TGM5: variants seen among roughly 807,000 people sequenced by gnomAD.
TGM5 encodes transglutaminase 5.
TGM5 carries 69 observed loss-of-function variants against 77.2 expected under a neutral mutation model. The ratio of observed to expected loss-of-function variants is 0.89; its 90% CI spans 0.74 to 1.09. The LOEUF is 1.09. Among genes scored for constraint, TGM5 ranks in the 50% least tolerant of loss-of-function variants. The probability of loss-of-function intolerance (pLI) is 0.00; values close to 1 mark genes in which losing one functional copy is unlikely to be tolerated. For synonymous variants in TGM5, 346 were observed against 351.8 expected, an observed-to-expected ratio of 0.98 and a Z score of 0.18; for missense variants, 842 against 896.5, an observed-to-expected ratio of 0.94 and a Z score of 0.78.
intron 6 of TGM5, among the ~76,000 whole-genome samples, chr15:43,245,344 G>T (rs1486143541): frequency 1.3e-5 from 2 of 152,004 alleles, no homozygotes; most frequent in East Asian, 1.9e-4. Context: ...CTCCCTGAAC[G>T]CATTAAGCTT....
Position 43,233,359 on chromosome 15 carries a change from G to A in TGM5, c.2010-15C>T. On this transcript the variant is annotated splice_polypyrimidine_tract_variant and intron_variant, in intron 12 of 12. Coordinates refer to ENST00000220420, the MANE Select transcript of TGM5 (RefSeq NM_201631.4). ...GGACTCCAAGGCTGCAACAGAGAAT[G>A]GAGCATGTCAGAAAACCAAAAGCAT... 6.2e-7 allele frequency: 1 copy of A among 1,613,140 alleles called. No homozygotes were observed. Among genetic ancestry groups the A allele is most frequent in the Non-Finnish European group, 8.5e-7 (1 of 1,180,022 alleles).
At chr15:43,251,580 C>G (rs2042703859) in intron 6 of TGM5, among the ~76,000 whole-genome samples, 1 of 152,162 alleles carries the variant, frequency 6.6e-6, no homozygotes, top group African/African-American at 2.4e-5. Flanking sequence ...GGCTTCTCTC[C>G]CCAGCTTAAC....
intron 5 of TGM5, 105 bp from the exon 6 acceptor site, chr15:43,253,041 C>T: frequency 1.6e-6 from 2 of 1,263,858 alleles, no homozygotes; most frequent in Non-Finnish European, 1.1e-6. Flanking sequence ...AGAGGAGAGA[C>T]TTTTGACAGC....
chr15:43,252,440 C>A (rs773184250), intron 6 of TGM5, among the ~76,000 whole-genome samples: 9 of 152,168 alleles, frequency 5.9e-5, no homozygotes, highest in Non-Finnish European at 1.3e-4. Context: ...GCCTCAGCCT[C>A]CCGAGTAGCT....
chr15:43,234,660 A>G (rs1267026858), intron 11 of TGM5, 109 bp downstream of exon 11: 1 of 1,377,676 alleles, frequency 7.3e-7, no homozygotes, highest in African/African-American at 1.4e-5. Flanking sequence ...AGGCAAAGGA[A>G]GGAGGGGATG....
At chr15:43,238,302 C>A (rs1472812124) in intron 9 of TGM5, among the ~76,000 whole-genome samples, 1 of 152,126 alleles carries the variant, frequency 6.6e-6, no homozygotes, top group East Asian at 1.9e-4. Flanking sequence ...TCCAGGCATT[C>A]ATCTATAGCT....
rs375258415 is a variant in TGM5 at position 43,266,862 on chromosome 15, C to T, written c.-13G>A. 5.0e-5 allele frequency: 80 copies of T among 1,614,110 alleles called. No individual in the cohort carries two copies. The East Asian group carries it at 6.2e-4, about 13-fold the overall frequency. Reference sequence around the variant, plus strand: ...TACCTTGGGCCATGGTAGCTGCCTCCGGTTCCTGGGATGCTCCCCACAGAA... The same window carrying T: ...TACCTTGGGCCATGGTAGCTGCCTCTGGTTCCTGGGATGCTCCCCACAGAA... On this transcript the variant is annotated 5_prime_UTR_variant, in exon 1 of 13. Coordinates refer to ENST00000220420, the MANE Select transcript of TGM5 (RefSeq NM_201631.4).
intron 7 of TGM5, chr15:43,239,514 TCA>T: frequency 4.0e-6 from 2 of 500,022 alleles, no homozygotes; most frequent in Non-Finnish European, 7.2e-6. Flanking sequence ...AGATCTCGTC[TCA>T]AAAAAAAAAA....
intron 6 of TGM5, among the ~76,000 whole-genome samples, chr15:43,249,681 A>G (rs2042691638): frequency 6.6e-6 from 1 of 152,234 alleles, no homozygotes. Context: ...AGGCCAGAAC[A>G]GGAAGAGCCT....
chr15:43,243,271 T>A (rs537700871), intron 6 of TGM5, among the ~76,000 whole-genome samples: 1 of 152,374 alleles, frequency 6.6e-6, no homozygotes, highest in Non-Finnish European at 1.5e-5. Flanking sequence ...TTGCTGCATC[T>A]TTGCTGGATG....
intron 12 of TGM5, 89 bp downstream of exon 12, chr15:43,233,465 G>C: frequency 1.2e-6 from 2 of 1,612,800 alleles, no homozygotes; most frequent in Non-Finnish European, 8.5e-7. Context: ...CGGTGTTGTG[G>C]AGTCTGGCTC....
At chr15:43,233,377 A>G in intron 12 of TGM5, 33 bp from the exon 13 acceptor site, 1 of 1,612,438 alleles carries the variant, frequency 6.2e-7, no homozygotes, top group Non-Finnish European at 8.5e-7. Context: ...TCAGAAAACC[A>G]AAAGCATGAT....
Position 43,252,765 on chromosome 15 carries a change from A to C in TGM5, c.856T>G (p.Cys286Gly), listed in dbSNP as rs2042713820. ...GQCWVFAAVM[C>G]TVMRCLGIPT... is the part of the protein sequence containing the mutation. The stretch of plus-strand genomic sequence containing the variant: ...GGTCCTTTCTACCTCCTACCTGTGC[A>C]CATGACGGCAGCAAAGACCCAGCAT... Residue 286 changes from cysteine to glycine, a missense_variant, in exon 6 of 13, where the codon TGC becomes GGC. Cys to Gly is a radical substitution (Grantham distance 159). Transcript: ENST00000220420. The C allele has an allele frequency of 6.2e-7, 1 of 1,613,752 alleles. No homozygotes were observed. The highest frequency in any genetic ancestry group is 1.1e-5 in the South Asian group (1 of 91,074).
At position 43,266,906 on chromosome 15, in the gene TGM5, C is replaced by A; in HGVS notation, c.-57G>T. 1 of 1,611,570 alleles carries A rather than the reference C, an allele frequency of 6.2e-7. No individual in the cohort carries two copies. Among genetic ancestry groups the A allele is most frequent in the East Asian group, 2.2e-5 (1 of 44,872 alleles). On this transcript the variant is annotated 5_prime_UTR_variant, in exon 1 of 13. Coordinates refer to ENST00000220420, the MANE Select transcript of TGM5 (RefSeq NM_201631.4). ...CACAGAACAGCTGGGCGGTCTGGAGCTTCAGCAAACTGGTGCCAGAGTGTC... is the reference window on the plus strand; with the variant it reads ...CACAGAACAGCTGGGCGGTCTGGAGATTCAGCAAACTGGTGCCAGAGTGTC...
intron 6 of TGM5, among the ~76,000 whole-genome samples, chr15:43,248,092 C>T (rs2042680793): frequency 6.6e-6 from 1 of 152,070 alleles, no homozygotes; most frequent in East Asian, 1.9e-4. Flanking sequence ...TAACTCTAAA[C>T]ATTCCAAGAA....
At chr15:43,236,639 C>T (rs2042592296) in intron 9 of TGM5, among the ~76,000 whole-genome samples, 1 of 152,144 alleles carries the variant, frequency 6.6e-6, no homozygotes, top group African/African-American at 2.4e-5. Context: ...CAGTTCCAGA[C>T]AAAAGAGAAT....
intron 5 of TGM5, among the ~76,000 whole-genome samples, chr15:43,253,234 G>A (rs79129782): frequency 0.022 from 3,317 of 152,256 alleles, 139 homozygotes; most frequent in African/African-American, 0.076. Flanking sequence ...TCAGAAAAGA[G>A]GAAATTTAGA....
chr15:43,263,960 A>G (rs1051261585), intron 1 of TGM5, among the ~76,000 whole-genome samples: 12 of 152,282 alleles, frequency 7.9e-5, no homozygotes, highest in African/African-American at 2.9e-4. Context: ...AATTCATATA[A>G]CTCTACAATA....
rs1171673596 is a variant in TGM5, at chr15:43,260,233, G to A, written c.255C>T (p.Pro85=). Residue 85 remains proline, a synonymous_variant, in exon 3 of 13, where the codon CCC becomes CCT. Coordinates refer to ENST00000220420, the MANE Select transcript of TGM5 (RefSeq NM_201631.4). The stretch of plus-strand genomic sequence containing the variant: ...TCTCCAGCCAGGCAATCCAGGGGCT[G>A]GGGCTGTGATGGCGTGCCAGGCTGA... ...AVFSLARHHS[P]SPWIAWLETN... 1 of 1,613,772 alleles carries A rather than the reference G, an allele frequency of 6.2e-7. No individual in the cohort carries two copies. Among genetic ancestry groups the A allele is most frequent in the Admixed American group, 1.7e-5 (1 of 60,018 alleles).
Sources: allele counts gnomAD v4.1 joint callset (sites outside exome capture counted in the v4.1 genomes callset), GRCh38; gene constraint gnomAD v4.1.1; transcripts MANE v1.5; gene names NCBI Gene and HGNC (gene_info 2026-07-23, HGNC 2026-07-21).